RAB38: variants seen among roughly 807,000 people sequenced by gnomAD.
The protein encoded by RAB38 is RAB38, member RAS oncogene family.
Under a neutral mutation model 18.4 loss-of-function variants are expected in RAB38, and 15 were observed. That is an observed-to-expected ratio of 0.82 (90% confidence interval 0.55 to 1.26). RAB38 has a LOEUF of 1.26. Among genes scored for constraint, RAB38 ranks in the 50% most tolerant of loss-of-function variants. The probability of loss-of-function intolerance (pLI) is 0.00; values close to 1 mark genes in which losing one functional copy is unlikely to be tolerated. For missense variants in RAB38, 294 were observed against 267.4 expected, an observed-to-expected ratio of 1.10 and a Z score of -0.69; for synonymous variants, 101 against 104.4, an observed-to-expected ratio of 0.97 and a Z score of 0.20.
chr11:87,857,707 G>A, the RAB38 span, among the ~76,000 whole-genome samples: 1 of 150,734 alleles, frequency 6.6e-6, no homozygotes, highest in Non-Finnish European at 1.5e-5. Context: ...TTTTTGATGG[G>A]GTTGTTTGTT....
chr11:87,910,208 A>G, the RAB38 span, among the ~76,000 whole-genome samples: 5 of 151,724 alleles, frequency 3.3e-5, no homozygotes, highest in African/African-American at 1.2e-4. Context: ...TAATTTTTCT[A>G]CTAACTAATT....
chr11:88,038,590 T>C, the RAB38 span, among the ~76,000 whole-genome samples: 2 of 152,220 alleles, frequency 1.3e-5, no homozygotes, highest in Non-Finnish European at 2.9e-5. Flanking sequence ...ACTTACTGGT[T>C]TTCTTATGTT....
At chr11:88,110,733 C>T (rs1942462658), downstream of RAB38, among the ~76,000 whole-genome samples, 1 of 150,778 alleles carries the variant, frequency 6.6e-6, no homozygotes, top group Admixed American at 6.6e-5. Flanking sequence ...AGAAGAATCA[C>T]TTGAACCTGG....
intron 1 of RAB38, among the ~76,000 whole-genome samples, chr11:88,151,321 T>C (rs1038217621): frequency 6.6e-6 from 1 of 152,194 alleles, no homozygotes; most frequent in East Asian, 1.9e-4. Flanking sequence ...TGGCACAAGT[T>C]CTGAAATCAG....
intron 1 of RAB38, among the ~76,000 whole-genome samples, chr11:88,159,732 G>A (rs1943166298): frequency 6.6e-6 from 1 of 151,868 alleles, no homozygotes; most frequent in South Asian, 2.1e-4. Context: ...GTAGGGAAAG[G>A]ACACCCTATT....
chr11:88,040,214 G>A, the RAB38 span, among the ~76,000 whole-genome samples: 21 of 152,274 alleles, frequency 1.4e-4, no homozygotes, highest in African/African-American at 4.8e-4. Flanking sequence ...AGTTCTGGGG[G>A]TTAGAAGTTA....
At chr11:88,086,728 A>G in the RAB38 span, among the ~76,000 whole-genome samples, 116 of 151,988 alleles carry the variant, frequency 7.6e-4, no homozygotes, top group Admixed American at 2.4e-3. Context: ...AAATGGATAG[A>G]TAGATAGAGG....
chr11:87,860,440 G>C, the RAB38 span, among the ~76,000 whole-genome samples: 4 of 151,916 alleles, frequency 2.6e-5, no homozygotes, highest in African/African-American at 9.7e-5. Context: ...CAGAATAATT[G>C]ATATCAAACT....
chr11:88,062,893 T>G, the RAB38 span, among the ~76,000 whole-genome samples: 2 of 152,224 alleles, frequency 1.3e-5, no homozygotes, highest in African/African-American at 4.8e-5. Flanking sequence ...TAAACTTTAT[T>G]TAAATTTATT....
chr11:87,849,402 T>G, the RAB38 span, among the ~76,000 whole-genome samples: 1 of 152,204 alleles, frequency 6.6e-6, no homozygotes, highest in Non-Finnish European at 1.5e-5. Flanking sequence ...GAGATCTGTT[T>G]GCTCAGCGCT....
chr11:87,887,883 G>A, the RAB38 span, among the ~76,000 whole-genome samples: 2 of 151,822 alleles, frequency 1.3e-5, no homozygotes. Context: ...AGAAAAACCA[G>A]TTTGACTATT....
the RAB38 span, among the ~76,000 whole-genome samples, chr11:88,073,977 ACAGT>A: frequency 6.6e-6 from 1 of 151,326 alleles, no homozygotes; most frequent in African/African-American, 2.4e-5. Flanking sequence ...TTGACAATAC[ACAGT>A]CAAAGGAGAA....
At chr11:87,887,337 C>A in the RAB38 span, among the ~76,000 whole-genome samples, 1 of 151,982 alleles carries the variant, frequency 6.6e-6, no homozygotes, top group African/African-American at 2.4e-5. Flanking sequence ...TTGCCCTCTT[C>A]TTCCTTCAGT....
At chr11:88,142,630 T>TCA (rs1283145201) in intron 2 of RAB38, among the ~76,000 whole-genome samples, 1 of 152,248 alleles carries the variant, frequency 6.6e-6, no homozygotes, top group East Asian at 1.9e-4. Context: ...GGATTCTAAT[T>TCA]TGAGTTCTGA....
chr11:87,844,034 T>C, the RAB38 span, among the ~76,000 whole-genome samples: 2 of 152,292 alleles, frequency 1.3e-5, no homozygotes, highest in Non-Finnish European at 2.9e-5. Context: ...CTTGGATGCT[T>C]TAATTAACTA....
chr11:87,864,021 G>C, the RAB38 span, among the ~76,000 whole-genome samples: 1 of 151,594 alleles, frequency 6.6e-6, no homozygotes. Context: ...TGTGGTGGTC[G>C]TGATCACGGT....
the RAB38 span, among the ~76,000 whole-genome samples, chr11:87,965,764 T>C: frequency 2.0e-5 from 3 of 152,170 alleles, no homozygotes; most frequent in African/African-American, 2.4e-5. Flanking sequence ...CCAGTTTTTA[T>C]AGGTATTATT....
At chr11:87,865,156 T>G in the RAB38 span, among the ~76,000 whole-genome samples, 387 of 151,584 alleles carry the variant, frequency 2.6e-3, no homozygotes, top group African/African-American at 9.0e-3. Context: ...CTTGAAGAAA[T>G]GGGGTATAAT....
the RAB38 span, among the ~76,000 whole-genome samples, chr11:87,820,135 T>A: frequency 6.6e-6 from 1 of 152,200 alleles, no homozygotes; most frequent in African/African-American, 2.4e-5. Flanking sequence ...AACTAATTGC[T>A]ATTCTTAGTG....
Sources: allele counts gnomAD v4.1 joint callset (sites outside exome capture counted in the v4.1 genomes callset), GRCh38; gene constraint gnomAD v4.1.1; transcripts MANE v1.5; gene names NCBI Gene and HGNC (gene_info 2026-07-23, HGNC 2026-07-21).